Variants in LNX2 observed in about 807,000 individuals in gnomAD.
The protein encoded by LNX2 is ligand of numb-protein X 2.
LNX2 carries 35 observed loss-of-function variants against 66.2 expected under a neutral mutation model. The ratio of observed to expected loss-of-function variants is 0.53; its 90% CI spans 0.40 to 0.70. The LOEUF (loss-of-function observed/expected upper bound fraction) is 0.70. Among genes scored for constraint, LNX2 ranks in the 30% least tolerant of loss-of-function variants. LNX2 has a pLI of 0.00. For synonymous variants in LNX2, 337 were observed against 315.6 expected, an observed-to-expected ratio of 1.07 and a Z score of -0.72; for missense variants, 791 against 850.8, an observed-to-expected ratio of 0.93 and a Z score of 0.87.
rs948040787 is a variant in LNX2 at position 27,593,178 on chromosome 13, T to G, written c.-100-11375A>C. Among the ~76,000 whole-genome samples the G allele has an allele frequency of 2.0e-4, 31 of 152,212 alleles. 1 individual carries two copies. The highest frequency in any genetic ancestry group is 6.8e-4 in the African/African-American group (28 of 41,450). On this transcript the variant is annotated intron_variant, in intron 1 of 9. Transcript: ENST00000316334. ...TTGCCATATCTCTCCCTCTCCTTTC[T>G]AAAAGCTAGTTTCTCCTCCACCTGG...
chr13:27,575,276 A>T (rs990536049), intron 2 of LNX2, among the ~76,000 whole-genome samples: 2 of 152,212 alleles, frequency 1.3e-5, no homozygotes, highest in Non-Finnish European at 2.9e-5. Flanking sequence ...AGCACACAGG[A>T]GGGGAGAGAG....
intron 1 of LNX2, among the ~76,000 whole-genome samples, chr13:27,586,417 G>A (rs183874843): frequency 1.7e-4 from 26 of 152,260 alleles, no homozygotes; most frequent in African/African-American, 5.3e-4. Flanking sequence ...TCTTCTCCCA[G>A]CTCAGGCAGA....
intron 1 of LNX2, among the ~76,000 whole-genome samples, chr13:27,620,043 C>A (rs976483641): frequency 6.6e-6 from 1 of 152,126 alleles, no homozygotes; most frequent in Non-Finnish European, 1.5e-5. Flanking sequence ...CCTTAAGAAG[C>A]AAACGACGCC....
chr13:27,571,063 G>A (rs1955273617), intron 2 of LNX2, among the ~76,000 whole-genome samples: 1 of 152,294 alleles, frequency 6.6e-6, no homozygotes, highest in Admixed American at 6.5e-5. Flanking sequence ...TATTAAAAAT[G>A]ACATCATGTA....
rs1025065563 is a variant in LNX2 at position 27,547,026 on chromosome 13, T to A, written c.*1309A>T. 3.9e-5 allele frequency: 6 copies of A among 152,046 alleles called. No homozygotes were observed. The highest frequency in any genetic ancestry group is 6.6e-5 in the Admixed American group (1 of 15,254). The allele number at this position is 152,046 out of a possible 1,614,324, so 9.4% of individuals were successfully genotyped here. A position where few individuals can be genotyped will look rare whatever the true frequency, so the allele number is the denominator to read the frequency against. Reference sequence around the variant, plus strand: ...TCTGTCTCCTACTTGAAACAACTAATCTCATAAGAAATAATGGGAAAAATA... The same window carrying A: ...TCTGTCTCCTACTTGAAACAACTAAACTCATAAGAAATAATGGGAAAAATA... On this transcript the variant is annotated 3_prime_UTR_variant, in exon 10 of 10. Transcript: ENST00000316334.
rs1281760126 is a variant in LNX2, at chr13:27,588,023, A to C, written c.-100-6220T>G. On this transcript the variant is annotated intron_variant, in intron 1 of 9. Transcript: ENST00000316334. ...GCAAGAGTGCGAGACTCTTGTCACA[A>C]AAAAAAAAAAAAAAAAAAAAAAAAA... Among the ~76,000 whole-genome samples the C allele has an allele frequency of 2.3e-4, 6 of 26,044 alleles. No individual in the cohort carries two copies. In the East Asian group the frequency reaches 4.9e-3, roughly 21 times the overall value. The allele number at this position is 26,044 out of a possible 152,430, so 17.1% of individuals were successfully genotyped here.
chr13:27,618,958 T>G (rs558237573), intron 1 of LNX2, among the ~76,000 whole-genome samples: 2 of 152,218 alleles, frequency 1.3e-5, no homozygotes, highest in South Asian at 4.1e-4. Flanking sequence ...GGGTAACTAG[T>G]GGGATAAAGG....
At chr13:27,583,605 C>A (rs1032840796) in intron 1 of LNX2, among the ~76,000 whole-genome samples, 1 of 152,070 alleles carries the variant, frequency 6.6e-6, no homozygotes, top group African/African-American at 2.4e-5. Context: ...GCGAGCCTAG[C>A]CAGGAATGCT....
chr13:27,587,894 G>A (rs1294050160), intron 1 of LNX2, among the ~76,000 whole-genome samples: 2 of 151,992 alleles, frequency 1.3e-5, no homozygotes. Flanking sequence ...GGTGGCGAGT[G>A]CCTGTAGTCC....
chr13:27,604,575 T>C (rs901650140), intron 1 of LNX2, among the ~76,000 whole-genome samples: 2 of 152,162 alleles, frequency 1.3e-5, no homozygotes, highest in African/African-American at 2.4e-5. Context: ...ATAATATATA[T>C]ATGGTAGAAG....
In LNX2 at chr13:27,613,630, T is replaced by A. The variant is rs567732252; in HGVS notation, c.-101+6745A>T. On this transcript the variant is annotated intron_variant, in intron 1 of 9. Coordinates refer to ENST00000316334, the MANE Select transcript of LNX2 (RefSeq NM_153371.4). Reference sequence around the variant, plus strand: ...TAAAAATACAAAAATTATCTGGGTGTGGTGGCGGGTGCTTGTAATCCCAGC... The same window carrying A: ...TAAAAATACAAAAATTATCTGGGTGAGGTGGCGGGTGCTTGTAATCCCAGC... Among the ~76,000 whole-genome samples the A allele has an allele frequency of 4.6e-5, 7 of 152,066 alleles. No homozygotes were observed. In the South Asian group the frequency reaches 1.5e-3, roughly 32 times the overall value.
intron 1 of LNX2, among the ~76,000 whole-genome samples, chr13:27,586,968 A>C (rs1281876125): frequency 6.6e-6 from 1 of 152,162 alleles, no homozygotes; most frequent in Non-Finnish European, 1.5e-5. Context: ...AATATCCACA[A>C]AGACTCTCAG....
At chr13:27,572,807 A>G (rs1448861110) in intron 2 of LNX2, among the ~76,000 whole-genome samples, 1 of 152,214 alleles carries the variant, frequency 6.6e-6, no homozygotes, top group Non-Finnish European at 1.5e-5. Flanking sequence ...GTGCAGTAGA[A>G]ACAAAATAAA....
At position 27,558,993 on chromosome 13, in the gene LNX2, A is replaced by C. The variant is rs1030848152; in HGVS notation, c.1368+849T>G. ...TTAGTAAAGCAATTTAATTTTACTT[A>C]AGGAGAATTACTCTGGTAGGTCACA... On this transcript the variant is annotated intron_variant, in intron 6 of 9. Coordinates refer to ENST00000316334, the MANE Select transcript of LNX2 (RefSeq NM_153371.4). Among the ~76,000 whole-genome samples, 6 of 152,184 alleles carry C rather than the reference A, an allele frequency of 3.9e-5. No homozygotes were observed. In the East Asian group the frequency reaches 1.2e-3, roughly 29 times the overall value.
intron 2 of LNX2, among the ~76,000 whole-genome samples, chr13:27,570,144 T>C (rs1471234829): frequency 6.6e-6 from 1 of 152,138 alleles, no homozygotes; most frequent in African/African-American, 2.4e-5. Flanking sequence ...TAACCCCTAG[T>C]TTGAAGGATG....
In LNX2 at chr13:27,567,794, A is replaced by G; in HGVS notation, c.701T>C (p.Ile234Thr). ...LSLPEGEITT[I>T]EIHRSNPYIQ... is the part of the protein sequence containing the mutation. The stretch of plus-strand genomic sequence containing the variant: ...GTAAGGATTGGACCGATGAATTTCA[A>G]TCGTGGTGATTTCTCCTTCTGGTAA... The change falls in exon 4 of 10, where the codon ATT (isoleucine) becomes ACT (threonine). Residue 234 changes from isoleucine (I) to threonine (T), a missense_variant. Coordinates refer to ENST00000316334, the MANE Select transcript of LNX2 (RefSeq NM_153371.4). The G allele has an allele frequency of 1.9e-6, 3 of 1,614,098 alleles. No individual in the cohort carries two copies. Among genetic ancestry groups the G allele is most frequent in the East Asian group, 2.2e-5 (1 of 44,872 alleles).
intron 1 of LNX2, among the ~76,000 whole-genome samples, chr13:27,615,469 G>C (rs867469554): frequency 1.3e-5 from 2 of 152,054 alleles, no homozygotes; most frequent in Non-Finnish European, 2.9e-5. Context: ...CATAACATAG[G>C]TATGGTTGGT....
At chr13:27,610,685 C>T (rs1361575632) in intron 1 of LNX2, among the ~76,000 whole-genome samples, 1 of 152,090 alleles carries the variant, frequency 6.6e-6, no homozygotes, top group Admixed American at 6.5e-5. Flanking sequence ...TCAAAGGACA[C>T]ATCAACAGAA....
intron 2 of LNX2, among the ~76,000 whole-genome samples, chr13:27,577,376 G>C (rs1380006472): frequency 2.0e-5 from 3 of 152,154 alleles, no homozygotes; most frequent in Non-Finnish European, 4.4e-5. Context: ...GAATTTAAAA[G>C]TGCAATCATG....
Sources: allele counts gnomAD v4.1 joint callset (sites outside exome capture counted in the v4.1 genomes callset), GRCh38; gene constraint gnomAD v4.1.1; transcripts MANE v1.5; gene names NCBI Gene and HGNC (gene_info 2026-07-23, HGNC 2026-07-21).